Variants in MLIP observed in about 807,000 individuals in gnomAD.
MLIP encodes muscular LMNA interacting protein.
Under a neutral mutation model 84.8 loss-of-function variants are expected in MLIP, and 79 were observed. The ratio of observed to expected loss-of-function variants is 0.93; its 90% CI spans 0.78 to 1.12. The LOEUF (loss-of-function observed/expected upper bound fraction) is 1.12, where lower values mean the gene tolerates loss of function less well. Among genes scored for constraint, MLIP ranks in the 50% most tolerant of loss-of-function variants. The pLI is 0.00. For missense variants in MLIP, 1,257 were observed against 1,160.6 expected (o/e 1.08, Z -1.21); for synonymous variants, 504 against 463.0 (o/e 1.09, Z -1.14).
intron 10 of MLIP, among the ~76,000 whole-genome samples, chr6:54,197,665 T>C (rs1778395881): frequency 6.6e-6 from 1 of 152,144 alleles, no homozygotes; most frequent in African/African-American, 2.4e-5. Flanking sequence ...ACAAAACTGC[T>C]TTTTCTGGCA....
intron 9 of MLIP, among the ~76,000 whole-genome samples, chr6:54,187,155 T>A (rs1777476693): frequency 6.6e-6 from 1 of 152,012 alleles, no homozygotes. Flanking sequence ...ATCTAGAGAT[T>A]TAGGAAAATC....
chr6:54,185,366 T>C (rs1432034045), intron 9 of MLIP, among the ~76,000 whole-genome samples: 1 of 152,226 alleles, frequency 6.6e-6, no homozygotes, highest in East Asian at 1.9e-4. Flanking sequence ...GGGAAGTTTC[T>C]GATAGCAGTG....
At chr6:54,100,227 G>C (rs1452195057) in intron 1 of MLIP, among the ~76,000 whole-genome samples, 1 of 152,084 alleles carries the variant, frequency 6.6e-6, no homozygotes, top group Non-Finnish European at 1.5e-5. Context: ...CTTTATGGAA[G>C]TGATGGAGCC....
intron 1 of MLIP, among the ~76,000 whole-genome samples, chr6:54,040,551 T>A (rs1764684969): frequency 6.6e-6 from 1 of 152,034 alleles, no homozygotes; most frequent in African/African-American, 2.4e-5. Context: ...GACCCAGCAA[T>A]CCCATTACTG....
chr6:54,223,177 T>A (rs1235855724), intron 11 of MLIP, among the ~76,000 whole-genome samples: 4 of 152,058 alleles, frequency 2.6e-5, no homozygotes, highest in South Asian at 2.1e-4. Flanking sequence ...TCTTCCTATA[T>A]ACTGTAGGTT....
intron 1 of MLIP, among the ~76,000 whole-genome samples, chr6:54,019,574 C>T (rs549238012): frequency 6.6e-6 from 1 of 152,204 alleles, no homozygotes; most frequent in African/African-American, 2.4e-5. Flanking sequence ...GTAATTTTGC[C>T]TTGATACTAA....
intron 3 of MLIP, among the ~76,000 whole-genome samples, chr6:54,127,818 G>A (rs1259830841): frequency 6.6e-6 from 1 of 152,094 alleles, no homozygotes; most frequent in East Asian, 1.9e-4. Context: ...CATGTCAAAA[G>A]TAAACATGTT....
At chr6:54,131,407 G>A (rs778675501) in intron 3 of MLIP, among the ~76,000 whole-genome samples, 4 of 152,008 alleles carry the variant, frequency 2.6e-5, no homozygotes, top group Non-Finnish European at 5.9e-5. Context: ...GAGCTCACTT[G>A]ATTAGGTCAC....
intron 1 of MLIP, among the ~76,000 whole-genome samples, chr6:54,036,415 G>T (rs1311790618): frequency 1.3e-5 from 2 of 151,748 alleles, no homozygotes; most frequent in Non-Finnish European, 2.9e-5. Context: ...GAAAAATATT[G>T]GGCTAATTGA....
chr6:54,134,663 G>A (rs1469132147), intron 3 of MLIP, among the ~76,000 whole-genome samples: 1 of 152,018 alleles, frequency 6.6e-6, no homozygotes, highest in Non-Finnish European at 1.5e-5. Context: ...GGAAATTGGA[G>A]AGGTTAGTCT....
At chr6:54,228,104 ACCC>A (rs1780710227) in intron 11 of MLIP, among the ~76,000 whole-genome samples, 1 of 66,896 alleles carries the variant, frequency 1.5e-5, no homozygotes, top group South Asian at 6.6e-4. Context: ...AATGGCATGA[ACCC>A]CGGAGGCGGA....
intron 1 of MLIP, among the ~76,000 whole-genome samples, chr6:54,096,283 G>T (rs1033564644): frequency 6.6e-6 from 1 of 152,070 alleles, no homozygotes; most frequent in African/African-American, 2.4e-5. Flanking sequence ...GAAGAGTTCT[G>T]TAAGTATTTA....
intron 12 of MLIP, among the ~76,000 whole-genome samples, chr6:54,243,765 C>A (rs966704490): frequency 1.3e-5 from 2 of 151,502 alleles, no homozygotes; most frequent in Admixed American, 1.3e-4. Context: ...CCGGGAATCA[C>A]GCACAGGCTT....
intron 11 of MLIP, among the ~76,000 whole-genome samples, chr6:54,214,792 A>G (rs940261583): frequency 6.6e-6 from 1 of 152,216 alleles, no homozygotes; most frequent in Admixed American, 6.5e-5. Flanking sequence ...CACAGAACAC[A>G]GGACTATGAG....
At chr6:54,215,487 CA>C in intron 11 of MLIP, 1 of 855,902 alleles carries the variant, frequency 1.2e-6, no homozygotes, top group Non-Finnish European at 1.5e-6. Context: ...GTATAATTGA[CA>C]AAAATTATAC....
At chr6:54,245,850 A>C (rs1782044682) in intron 12 of MLIP, among the ~76,000 whole-genome samples, 1 of 152,134 alleles carries the variant, frequency 6.6e-6, no homozygotes, top group African/African-American at 2.4e-5. Context: ...TAATTATGTA[A>C]TATTTGCACA....
At chr6:54,107,058 C>T (rs1439279620), upstream of MLIP, among the ~76,000 whole-genome samples, 3 of 152,178 alleles carry the variant, frequency 2.0e-5, no homozygotes, top group Non-Finnish European at 4.4e-5. Flanking sequence ...ACCACATACA[C>T]TTATTCCTAA....
At chr6:54,185,869 G>T (rs562588884) in intron 9 of MLIP, among the ~76,000 whole-genome samples, 1 of 152,174 alleles carries the variant, frequency 6.6e-6, no homozygotes, top group Admixed American at 6.5e-5. Flanking sequence ...TGAAAACTTA[G>T]GTGAACTGAC....
rs746268695 is a variant in MLIP, at chr6:54,124,529, A to G, written c.309A>G (p.Gln103=). 6.2e-7 allele frequency: 1 copy of G among 1,614,222 alleles called. No homozygotes were observed. Among genetic ancestry groups the G allele is most frequent in the South Asian group, 1.1e-5 (1 of 91,088 alleles). ...LNAGSQQERD[Q]AKLTCPSEVS... is the part of the protein sequence containing the mutation. ...CTGGGAGCCAACAAGAGAGAGACCA[A>G]GCGAAATTGACTTGTCCTTCAGAGG... The change falls in exon 3 of 14, where the codon CAA becomes CAG. Residue 103 remains glutamine, a synonymous_variant. Coordinates refer to ENST00000502396, the MANE Select transcript of MLIP (RefSeq NM_001281747.2).
Sources: gnomAD v4.1 joint callset for allele counts (sites outside exome capture counted in the v4.1 genomes callset) on GRCh38, gnomAD v4.1.1 for gene constraint, MANE v1.5 for transcripts, NCBI Gene and HGNC (gene_info 2026-07-23, HGNC 2026-07-21) for gene names.